MTCL1: variants seen among roughly 807,000 people sequenced by gnomAD.
MTCL1 encodes the protein microtubule crosslinking factor 1, also known as microtubule cross-linking factor 1.
In MTCL1, 79 loss-of-function variants were observed where a neutral mutation model predicts 141.4. The observed-to-expected ratio is 0.56, with a 90% CI of 0.47 to 0.67. The LOEUF (loss-of-function observed/expected upper bound fraction) is 0.67. MTCL1 is among the 30% of genes least tolerant of loss of function. The probability of loss-of-function intolerance (pLI) is 0.00; values close to 1 mark genes in which losing one functional copy is unlikely to be tolerated. For missense variants in MTCL1, 2,177 were observed against 2,113.9 expected, an observed-to-expected ratio of 1.03 and a Z score of -0.59; for synonymous variants, 914 against 875.8, an observed-to-expected ratio of 1.04 and a Z score of -0.77.
In MTCL1 at chr18:8,787,581, C is replaced by G. The variant is rs1306710028; in HGVS notation, c.1887+1490C>G. The stretch of plus-strand genomic sequence containing the variant: ...GCCGCTGTCTTGCCATGGAATGGCA[C>G]CTTTTAAAAACATCCATCTAGTTTC... On this transcript the variant is annotated intron_variant, in intron 7 of 16. Transcript: ENST00000359865. Among the ~76,000 whole-genome samples, 3 of 152,220 alleles carry G rather than the reference C, an allele frequency of 2.0e-5. No individual in the cohort carries two copies. The East Asian group carries it at 5.8e-4, about 29-fold the overall frequency.
chr18:8,718,710 C>G (rs1044915536), intron 3 of MTCL1, 62 bp downstream of exon 2: 1 of 1,487,276 alleles, frequency 6.7e-7, no homozygotes, highest in Non-Finnish European at 9.4e-7. Context: ...GCCACATGCA[C>G]GTTGCCCTGG....
intron 16 of MTCL1, chr18:8,831,048 T>C: frequency 1.0e-6 from 1 of 985,650 alleles, no homozygotes; most frequent in Non-Finnish European, 1.2e-6. Flanking sequence ...ATTTTTGCCA[T>C]GTTGTGGGAG....
At chr18:8,780,197 C>G (rs2096528048) in intron 5 of MTCL1, among the ~76,000 whole-genome samples, 1 of 152,204 alleles carries the variant, frequency 6.6e-6, no homozygotes, top group African/African-American at 2.4e-5. Flanking sequence ...ATCATTTTTC[C>G]CCTTCCGTGG....
At chr18:8,805,310 C>T (rs527821408) in intron 10 of MTCL1, among the ~76,000 whole-genome samples, 3 of 152,002 alleles carry the variant, frequency 2.0e-5, no homozygotes, top group Non-Finnish European at 4.4e-5. Context: ...CATCTCTGTC[C>T]GAGTATACCC....
chr18:8,816,622 T>A (rs1333954217), intron 12 of MTCL1, among the ~76,000 whole-genome samples: 2 of 152,158 alleles, frequency 1.3e-5, no homozygotes, highest in Non-Finnish European at 2.9e-5. Flanking sequence ...TTGCTGTACT[T>A]GTCAAGCAAA....
intron 1 of MTCL1, among the ~76,000 whole-genome samples, chr18:8,708,260 CTG>C (rs2096068464): frequency 6.6e-6 from 1 of 151,850 alleles, no homozygotes; most frequent in African/African-American, 2.4e-5. Flanking sequence ...CAAGGGAAAA[CTG>C]TATTTCTTTA....
intron 7 of MTCL1, among the ~76,000 whole-genome samples, chr18:8,791,879 T>C (rs1034221199): frequency 2.2e-5 from 3 of 135,960 alleles, no homozygotes; most frequent in Admixed American, 7.4e-5. Flanking sequence ...AGTTTTATGC[T>C]GAACTTGGTG....
At chr18:8,788,104 C>T (rs2075581692) in intron 7 of MTCL1, among the ~76,000 whole-genome samples, 1 of 152,166 alleles carries the variant, frequency 6.6e-6, no homozygotes, top group African/African-American at 2.4e-5. Flanking sequence ...GGAAACAGTA[C>T]ACAAAGCTCC....
intron 6 of MTCL1, among the ~76,000 whole-genome samples, 169 bp downstream of exon 5, chr18:8,785,012 GT>G (rs66769622): frequency 2.1e-5 from 3 of 145,960 alleles, no homozygotes; most frequent in African/African-American, 5.1e-5. Flanking sequence ...GTTGGGCTCC[GT>G]TTTTTTTGTT....
chr18:8,791,760 A>G (rs529267956), intron 7 of MTCL1, among the ~76,000 whole-genome samples: 2 of 152,232 alleles, frequency 1.3e-5, no homozygotes, highest in Admixed American at 6.5e-5. Flanking sequence ...CTGAATATGT[A>G]TAAGAGACTA....
chr18:8,736,945 A>G (rs999307698), intron 4 of MTCL1, among the ~76,000 whole-genome samples: 48 of 152,262 alleles, frequency 3.2e-4, no homozygotes, highest in African/African-American at 1.1e-3. Flanking sequence ...CGGCCTATCC[A>G]TCTATTTTTA....
rs896748933 is a variant in MTCL1 at position 8,822,786 on chromosome 18, C to T, written c.3188+1288C>T. Among the ~76,000 whole-genome samples the T allele has an allele frequency of 5.9e-5, 9 of 152,242 alleles. No homozygotes were observed. Among genetic ancestry groups the T allele is most frequent in the African/African-American group, 1.9e-4 (8 of 41,512 alleles). On this transcript the variant is annotated intron_variant, in intron 14 of 16. Coordinates refer to ENST00000359865, the Ensembl canonical transcript of MTCL1. The surrounding 1 kb of genome is among the most constrained non-coding windows in gnomAD (Gnocchi z 4.6). ...AAACAGAGTTTAGTCATTACACCCT[C>T]CCACCTTCCCCGTTCACAGCAGCAG...
intron 12 of MTCL1, 31 bp from the exon 12 acceptor site, chr18:8,818,932 G>A (rs1228949969): frequency 1.2e-5 from 19 of 1,587,068 alleles, no homozygotes; most frequent in Non-Finnish European, 1.6e-5. Flanking sequence ...GAAAAGTGAG[G>A]CTAATTATTT....
At chr18:8,753,011 G>A (rs1452783602) in intron 4 of MTCL1, among the ~76,000 whole-genome samples, 2 of 152,188 alleles carry the variant, frequency 1.3e-5, no homozygotes, top group African/African-American at 4.8e-5. Context: ...AAAGAGGATG[G>A]TTTTTACTAT....
chr18:8,774,254 A>ATATGTGTGTG (rs2096496252), intron 4 of MTCL1, among the ~76,000 whole-genome samples: 1 of 150,018 alleles, frequency 6.7e-6, no homozygotes, highest in African/African-American at 2.5e-5. Flanking sequence ...CTCTTTTCGA[A>ATATGTGTGTG]TGTGTGTGTG....
intron 4 of MTCL1, among the ~76,000 whole-genome samples, chr18:8,750,395 T>C (rs1039314812): frequency 1.3e-5 from 2 of 152,228 alleles, no homozygotes; most frequent in Non-Finnish European, 2.9e-5. Flanking sequence ...AAGCGAAATA[T>C]GCCTGGAGAG....
chr18:8,793,624 C>T (rs903716708), intron 8 of MTCL1, among the ~76,000 whole-genome samples: 5 of 152,146 alleles, frequency 3.3e-5, no homozygotes, highest in African/African-American at 4.8e-5. Context: ...CCCAGAGTTC[C>T]GAGTAGAAGG....
upstream of MTCL1, chr18:8,705,617 G>A (rs911515787): frequency 1.3e-5 from 16 of 1,212,156 alleles, no homozygotes; most frequent in African/African-American, 2.4e-4. The surrounding 1 kb of genome is among the most constrained non-coding windows in gnomAD (Gnocchi z 5.2). Context: ...CGCCGTCGTC[G>A]TCCGGAGCAT....
At chr18:8,819,325 A>C in intron 13 of MTCL1, 66 bp downstream of exon 12, 5 of 1,545,464 alleles carry the variant, frequency 3.2e-6, no homozygotes, top group Non-Finnish European at 4.4e-6. Flanking sequence ...GAAACCTAAG[A>C]GGCATCTGCC....
Sources: allele counts gnomAD v4.1 joint callset (sites outside exome capture counted in the v4.1 genomes callset), GRCh38; gene constraint gnomAD v4.1.1; non-coding constraint Gnocchi (gnomAD v3.1); transcripts MANE v1.5; gene names NCBI Gene and HGNC (gene_info 2026-07-23, HGNC 2026-07-21).